Variants in PCSK5 observed in about 807,000 individuals in gnomAD.
PCSK5 encodes the protein prohormone convertase 5.
In PCSK5, 129 loss-of-function variants were observed where a neutral mutation model predicts 233.2. That is an observed-to-expected ratio of 0.55 (90% CI 0.48 to 0.64). The LOEUF (loss-of-function observed/expected upper bound fraction) is 0.64. PCSK5 is among the 30% of genes least tolerant of loss of function. PCSK5 has a pLI of 0.00. For synonymous variants in PCSK5, 825 were observed against 879.2 expected (o/e 0.94, Z 1.09); for missense variants, 2,076 against 2,430.1 (o/e 0.85, Z 3.06).
intron 2 of PCSK5, among the ~76,000 whole-genome samples, chr9:75,949,581 G>A (rs548949743): frequency 3.9e-5 from 6 of 152,064 alleles, no homozygotes; most frequent in African/African-American, 1.4e-4. Context: ...AGGCTGGAGT[G>A]CAGTGGCACA....
chr9:75,918,090 T>C (rs1433614716), intron 1 of PCSK5, among the ~76,000 whole-genome samples: 1 of 152,228 alleles, frequency 6.6e-6, no homozygotes, highest in Non-Finnish European at 1.5e-5. Flanking sequence ...TTATTAATGT[T>C]TTTCATTATC....
intron 13 of PCSK5, among the ~76,000 whole-genome samples, chr9:76,172,058 G>C (rs1316266485): frequency 6.6e-6 from 1 of 151,998 alleles, no homozygotes; most frequent in Non-Finnish European, 1.5e-5. Flanking sequence ...AATTCAGTTG[G>C]ATCTGTAGAA....
Position 75,891,135 on chromosome 9 carries a change from T to A in PCSK5, c.-47T>A. 1 of 1,418,266 alleles carries A rather than the reference T, an allele frequency of 7.1e-7. No homozygotes were observed. Among genetic ancestry groups the A allele is most frequent in the Non-Finnish European group, 9.2e-7 (1 of 1,092,302 alleles). The allele number at this position is 1,418,266 out of a possible 1,614,324, so 87.9% of individuals were successfully genotyped here. On this transcript the variant is annotated 5_prime_UTR_variant, in exon 1 of 38. Transcript: ENST00000674117. ...AGAAGTTAGTTGTGCGCGCCCTTAG[T>A]GCGCGGAACCAGCCAGCGAGCGAGG...
chr9:76,187,711 G>A (rs528831787), intron 17 of PCSK5, among the ~76,000 whole-genome samples: 1 of 152,264 alleles, frequency 6.6e-6, no homozygotes, highest in South Asian at 2.1e-4. Context: ...GAATTAGCCT[G>A]TAGACTGTGA....
chr9:76,191,488 C>A lies in PCSK5; in HGVS notation c.2626+1742C>A, dbSNP rs140474326. On this transcript the variant is annotated intron_variant, in intron 20 of 37. Transcript: ENST00000674117. Reference sequence around the variant, plus strand: ...GACCTCATCTGGTTATTCCACAACTCCCTACAAAGAATCTCAAAAAGGTGT... The same window carrying A: ...GACCTCATCTGGTTATTCCACAACTACCTACAAAGAATCTCAAAAAGGTGT... Among the ~76,000 whole-genome samples, 804 of 152,270 alleles carry A rather than the reference C, an allele frequency of 5.3e-3. 7 individuals carry two copies. Among genetic ancestry groups the A allele is most frequent in the African/African-American group, 0.018 (768 of 41,544 alleles).
chr9:76,170,175 G>T (rs2131843171), intron 13 of PCSK5, among the ~76,000 whole-genome samples: 1 of 152,274 alleles, frequency 6.6e-6, no homozygotes, highest in Non-Finnish European at 1.5e-5. Flanking sequence ...GAGTTCAATT[G>T]CATGATCTCA....
chr9:76,166,989 A>G (rs1027156314), intron 12 of PCSK5, among the ~76,000 whole-genome samples: 2 of 152,222 alleles, frequency 1.3e-5, no homozygotes, highest in Non-Finnish European at 2.9e-5. Flanking sequence ...CTTCTTGTCC[A>G]AGTCTAGTCT....
intron 8 of PCSK5, among the ~76,000 whole-genome samples, chr9:76,101,294 C>T (rs958990393): frequency 3.3e-5 from 5 of 152,154 alleles, no homozygotes; most frequent in African/African-American, 9.7e-5. Flanking sequence ...CAGGGAGCTG[C>T]TCTGTTTCTT....
intron 2 of PCSK5, among the ~76,000 whole-genome samples, chr9:75,949,339 G>A (rs1312635440): frequency 6.6e-6 from 1 of 151,538 alleles, no homozygotes; most frequent in East Asian, 1.9e-4. Context: ...GCATTTGAAA[G>A]GATTTAAGGT....
intron 3 of PCSK5, among the ~76,000 whole-genome samples, chr9:76,018,982 T>G (rs1828070568): frequency 6.6e-6 from 1 of 152,200 alleles, no homozygotes; most frequent in South Asian, 2.1e-4. Flanking sequence ...TCTGTTTTAG[T>G]TTTAACACAA....
At chr9:76,066,244 C>T (rs985931353) in intron 5 of PCSK5, among the ~76,000 whole-genome samples, 1 of 152,092 alleles carries the variant, frequency 6.6e-6, no homozygotes, top group Admixed American at 6.5e-5. Context: ...TTTAGCAATA[C>T]TAATTCTTTC....
intron 10 of PCSK5, among the ~76,000 whole-genome samples, chr9:76,153,080 A>G (rs534088607): frequency 8.5e-5 from 13 of 152,304 alleles, no homozygotes; most frequent in African/African-American, 3.1e-4. Flanking sequence ...TGCATAAATG[A>G]GCCTATTTGT....
At chr9:76,198,622 G>A (rs1047924662) in intron 20 of PCSK5, among the ~76,000 whole-genome samples, 1 of 152,164 alleles carries the variant, frequency 6.6e-6, no homozygotes, top group Non-Finnish European at 1.5e-5. Flanking sequence ...GGGGGTAAGA[G>A]CCTTTTCTCA....
At chr9:76,078,809 CTT>C (rs562127528) in intron 7 of PCSK5, among the ~76,000 whole-genome samples, 156 of 152,172 alleles carry the variant, frequency 1.0e-3, no homozygotes, top group Non-Finnish European at 2.1e-3. Context: ...CATTCGGACT[CTT>C]TTTTGGTTCC....
rs1219687748 is a variant in PCSK5 at position 76,321,580 on chromosome 9, G to C, written c.4043G>C (p.Gly1348Ala). 3 of 1,612,594 alleles carry C rather than the reference G, an allele frequency of 1.9e-6. No individual in the cohort carries two copies. The African/African-American group carries it at 4.0e-5, about 22-fold the overall frequency. The change falls in exon 31 of 38, where the codon GGG becomes GCG. Residue 1348 changes from glycine to alanine, a missense_variant. Physicochemically the swap from Gly to Ala is moderately conservative, Grantham distance 60 (BLOSUM62 0). Transcript: ENST00000674117. ...CCCGAGAGGCACGTGGCTGTGAAGG[G>C]GGTATGCAAGCATTGCCCAGAGATG... ...NCPERHVAVKGVCKHCPEMCQ... is the reference protein window; with the variant it reads ...NCPERHVAVKAVCKHCPEMCQ...
chr9:76,274,666 G>T (rs774428869), intron 24 of PCSK5, among the ~76,000 whole-genome samples: 18 of 152,158 alleles, frequency 1.2e-4, no homozygotes, highest in Non-Finnish European at 1.0e-4. Context: ...CATGAATTAT[G>T]ACTATAAACC....
chr9:76,110,365 T>A (rs1285831998), intron 9 of PCSK5, among the ~76,000 whole-genome samples: 1 of 152,240 alleles, frequency 6.6e-6, no homozygotes, highest in Non-Finnish European at 1.5e-5. Context: ...TCTCTGAATA[T>A]CACCAGATTA....
chr9:75,981,345 A>G (rs1826269651), intron 2 of PCSK5, among the ~76,000 whole-genome samples: 1 of 152,230 alleles, frequency 6.6e-6, no homozygotes, highest in Non-Finnish European at 1.5e-5. Flanking sequence ...AGAGGCCCAC[A>G]AAGTTTTTTG....
At chr9:76,039,483 G>A (rs914461252) in intron 5 of PCSK5, among the ~76,000 whole-genome samples, 4 of 152,152 alleles carry the variant, frequency 2.6e-5, no homozygotes, top group African/African-American at 9.7e-5. Flanking sequence ...TCCAAGACAG[G>A]TATTTGGAGG....
Sources: allele counts gnomAD v4.1 joint callset (sites outside exome capture counted in the v4.1 genomes callset), GRCh38; gene constraint gnomAD v4.1.1; transcripts MANE v1.5; gene names NCBI Gene and HGNC (gene_info 2026-07-23, HGNC 2026-07-21).